Variants in CPPED1 observed in about 807,000 individuals in gnomAD.
The protein encoded by CPPED1 is calcineurin like phosphoesterase domain containing 1.
In CPPED1, 28 loss-of-function variants were observed where a neutral mutation model predicts 28.0. The observed-to-expected ratio is 1.00, with a 90% CI of 0.74 to 1.37. The LOEUF (loss-of-function observed/expected upper bound fraction) is 1.37. CPPED1 is among the 40% of genes most tolerant of loss of function. CPPED1 has a pLI of 0.00. For missense variants in CPPED1, 504 were observed against 416.5 expected (o/e 1.21, Z -1.83); for synonymous variants, 198 against 180.2 (o/e 1.10, Z -0.79).
chr16:12,680,887 T>C (rs767693760), intron 3 of CPPED1, among the ~76,000 whole-genome samples: 5 of 152,204 alleles, frequency 3.3e-5, no homozygotes, highest in Non-Finnish European at 7.3e-5. Context: ...CATTAACACC[T>C]ATACACTTGG....
chr16:12,803,094 A>G (rs765735691), intron 1 of CPPED1, among the ~76,000 whole-genome samples: 1 of 152,216 alleles, frequency 6.6e-6, no homozygotes, highest in Non-Finnish European at 1.5e-5. Context: ...CAACAACCCT[A>G]TGAGGCAGGT....
intron 2 of CPPED1, among the ~76,000 whole-genome samples, chr16:12,780,657 AC>A (rs1490346803): frequency 1.3e-5 from 2 of 149,734 alleles, no homozygotes; most frequent in East Asian, 3.9e-4. Flanking sequence ...AACCAAGCTG[AC>A]CCCCTAGATC....
At chr16:12,771,623 T>C (rs2141233024) in intron 2 of CPPED1, among the ~76,000 whole-genome samples, 1 of 152,370 alleles carries the variant, frequency 6.6e-6, no homozygotes, top group East Asian at 1.9e-4. Context: ...TCCGAGGCTT[T>C]GCTTATTATG....
At chr16:12,716,407 G>A (rs1330898636) in intron 2 of CPPED1, among the ~76,000 whole-genome samples, 1 of 152,242 alleles carries the variant, frequency 6.6e-6, no homozygotes, top group Admixed American at 6.5e-5. Context: ...ACAATTACAT[G>A]CAGATTCACT....
At chr16:12,735,043 G>C (rs2080219601) in intron 2 of CPPED1, among the ~76,000 whole-genome samples, 1 of 152,174 alleles carries the variant, frequency 6.6e-6, no homozygotes, top group Admixed American at 6.6e-5. Flanking sequence ...CAGAGAAGCA[G>C]CCGGGAGTAC....
chr16:12,740,554 C>T (rs2080249967), intron 2 of CPPED1, among the ~76,000 whole-genome samples: 1 of 152,070 alleles, frequency 6.6e-6, no homozygotes, highest in Non-Finnish European at 1.5e-5. Flanking sequence ...AGTTTACCGT[C>T]TACTGGGGAT....
At chr16:12,797,224 T>A (rs561648876) in intron 1 of CPPED1, among the ~76,000 whole-genome samples, 1 of 152,290 alleles carries the variant, frequency 6.6e-6, no homozygotes, top group South Asian at 2.1e-4. Flanking sequence ...AAATGCATGT[T>A]ATGGTACATA....
At chr16:12,752,702 AAC>A (rs1356811519) in intron 2 of CPPED1, among the ~76,000 whole-genome samples, 6 of 147,484 alleles carry the variant, frequency 4.1e-5, no homozygotes, top group Admixed American at 6.8e-5. Context: ...TGCAAACTAA[AAC>A]ACATGCCAAA....
chr16:12,747,894 AT>A (rs1445550300), intron 2 of CPPED1, among the ~76,000 whole-genome samples: 2 of 152,204 alleles, frequency 1.3e-5, no homozygotes, highest in African/African-American at 4.8e-5. Flanking sequence ...CTGTGTGCGC[AT>A]TTTTAAATGT....
chr16:12,749,695 TTCTCC>T (rs1250021194), intron 2 of CPPED1, among the ~76,000 whole-genome samples: 2 of 152,166 alleles, frequency 1.3e-5, no homozygotes, highest in African/African-American at 2.4e-5. Context: ...GTTCAAGTGA[TTCTCC>T]TCTCAGCCTC....
intron 1 of CPPED1, among the ~76,000 whole-genome samples, chr16:12,797,855 G>C (rs185654955): frequency 6.6e-6 from 1 of 152,296 alleles, no homozygotes. Context: ...TGAGGTGGGA[G>C]GATAGCTTCA....
intron 1 of CPPED1, 88 bp downstream of exon 1, chr16:12,803,619 G>T: frequency 8.6e-7 from 1 of 1,163,272 alleles, no homozygotes; most frequent in Non-Finnish European, 1.2e-6. Context: ...GTGTCCGACT[G>T]GCGGAGCGCA....
chr16:12,710,388 G>T (rs2080073842), intron 2 of CPPED1, among the ~76,000 whole-genome samples: 1 of 146,250 alleles, frequency 6.8e-6, no homozygotes, highest in South Asian at 2.3e-4. Context: ...GACTAGGAGA[G>T]AAATAGGTTA....
Position 12,704,751 on chromosome 16 carries a change from G to C in CPPED1, c.588C>G (p.His196Gln). Residue 196 changes from histidine (H) to glutamine (Q), a missense_variant, in exon 3 of 4, where the codon CAC (histidine) becomes CAG (glutamine). Transcript: ENST00000381774. ...GCTGGAAGACGATGGCATGCTGGCA[G>C]TGCCGCTGCCTCGCGATGCTCAGCT... ...DEQLSIARQR[H>Q]CQHAIVFQHI... 1.2e-6 allele frequency: 2 copies of C among 1,614,208 alleles called. No individual in the cohort carries two copies. Among genetic ancestry groups the C allele is most frequent in the Non-Finnish European group, 8.5e-7 (1 of 1,180,028 alleles).
intron 3 of CPPED1, among the ~76,000 whole-genome samples, chr16:12,665,546 C>T (rs1180013184): frequency 6.6e-6 from 1 of 152,134 alleles, no homozygotes; most frequent in Non-Finnish European, 1.5e-5. Context: ...AATCCCAGCA[C>T]TTTGGGAGGC....
chr16:12,798,923 T>A (rs1455478344), intron 1 of CPPED1, among the ~76,000 whole-genome samples: 1 of 152,208 alleles, frequency 6.6e-6, no homozygotes, highest in African/African-American at 2.4e-5. Flanking sequence ...CAATTTTTTT[T>A]AATCAACATC....
chr16:12,763,961 T>C (rs1328304327), intron 2 of CPPED1, among the ~76,000 whole-genome samples: 2 of 151,972 alleles, frequency 1.3e-5, no homozygotes, highest in East Asian at 1.9e-4. Flanking sequence ...CAAATCTGCA[T>C]ATCCTGCTAT....
intron 2 of CPPED1, among the ~76,000 whole-genome samples, chr16:12,727,079 A>T (rs1414655862): frequency 1.3e-5 from 2 of 152,282 alleles, no homozygotes; most frequent in East Asian, 1.9e-4. Flanking sequence ...TGAAGAGCAA[A>T]TAACTCTCGC....
At chr16:12,757,810 C>T (rs537558376) in intron 2 of CPPED1, 2 of 150,610 alleles carry the variant, frequency 1.3e-5, no homozygotes, top group Admixed American at 1.3e-4. Context: ...TAATTATTTA[C>T]AGGAGACGGT....
Sources: gnomAD v4.1 joint callset for allele counts (sites outside exome capture counted in the v4.1 genomes callset) on GRCh38, gnomAD v4.1.1 for gene constraint, MANE v1.5 for transcripts, NCBI Gene and HGNC (gene_info 2026-07-23, HGNC 2026-07-21) for gene names.